Variants in DLEU7 observed in about 807,000 individuals in gnomAD.
DLEU7 encodes the protein deleted in lymphocytic leukemia 7.
DLEU7 carries 17 observed loss-of-function variants against 16.0 expected under a neutral mutation model. The ratio of observed to expected loss-of-function variants is 1.06; its 90% CI spans 0.73 to 1.59. The LOEUF (loss-of-function observed/expected upper bound fraction) is 1.59, where lower values mean the gene tolerates loss of function less well. Ranked by LOEUF, DLEU7 falls within the 40% of genes most tolerant of loss-of-function variation. The probability of loss-of-function intolerance (pLI) is 0.00; values close to 1 mark genes in which losing one functional copy is unlikely to be tolerated. For synonymous variants in DLEU7, 113 were observed against 139.8 expected, an observed-to-expected ratio of 0.81 and a Z score of 1.35; for missense variants, 308 against 314.9, an observed-to-expected ratio of 0.98 and a Z score of 0.17.
At chr13:50,817,794 T>C (rs770203521) in intron 1 of DLEU7, among the ~76,000 whole-genome samples, 1 of 152,014 alleles carries the variant, frequency 6.6e-6, no homozygotes, top group Non-Finnish European at 1.5e-5. Context: ...AACCTGAAGA[T>C]AGTTCCTCAA....
chr13:50,803,157 CA>C (rs766353759), intron 1 of DLEU7, among the ~76,000 whole-genome samples: 4 of 152,090 alleles, frequency 2.6e-5, no homozygotes, highest in Non-Finnish European at 4.4e-5. Context: ...AAGGTATGTG[CA>C]TTTGTCATTT....
At chr13:50,743,999 G>A (rs1874322148) in intron 1 of DLEU7, among the ~76,000 whole-genome samples, 1 of 152,146 alleles carries the variant, frequency 6.6e-6, no homozygotes, top group Admixed American at 6.5e-5. Context: ...TTTGCCAGCT[G>A]TACCCTATCA....
intron 1 of DLEU7, among the ~76,000 whole-genome samples, chr13:50,725,193 C>T (rs562154922): frequency 6.6e-6 from 1 of 152,102 alleles, no homozygotes; most frequent in Admixed American, 6.6e-5. Flanking sequence ...CAAAAGAAAG[C>T]CCACTGACCC....
At chr13:50,748,609 C>T (rs1874470506) in intron 1 of DLEU7, among the ~76,000 whole-genome samples, 1 of 152,054 alleles carries the variant, frequency 6.6e-6, no homozygotes, top group African/African-American at 2.4e-5. Flanking sequence ...TCCCTAGTCC[C>T]ACCTTTTTTA....
intron 1 of DLEU7, among the ~76,000 whole-genome samples, chr13:50,776,352 G>A (rs565675060): frequency 6.6e-6 from 1 of 152,334 alleles, no homozygotes; most frequent in East Asian, 1.9e-4. Context: ...GCCCAGTGCT[G>A]TCACTGGCCT....
exon 2 of DLEU7, chr13:50,712,561 C>T (rs1485699523): frequency 2.6e-5 from 4 of 152,636 alleles, no homozygotes; most frequent in African/African-American, 7.2e-5. Context: ...TACTATTTCA[C>T]TTGAACAGTT....
At chr13:50,803,254 T>A (rs1876297028) in intron 1 of DLEU7, among the ~76,000 whole-genome samples, 1 of 152,178 alleles carries the variant, frequency 6.6e-6, no homozygotes, top group Admixed American at 6.6e-5. Flanking sequence ...CACTCTCCCC[T>A]TCCTCATGGA....
At chr13:50,841,702 C>T (rs1017879394) in intron 1 of DLEU7, among the ~76,000 whole-genome samples, 3 of 146,892 alleles carry the variant, frequency 2.0e-5, no homozygotes, top group Non-Finnish European at 3.0e-5. Flanking sequence ...ATGGCTACCA[C>T]ACTGCAGCCT....
At chr13:50,797,805 T>TAAC (rs10653375) in intron 1 of DLEU7, among the ~76,000 whole-genome samples, 120,817 of 151,902 alleles carry the variant, frequency 0.8, 48,759 homozygotes, top group East Asian at 1. Flanking sequence ...TTCATTCACT[T>TAAC]AAGTATAGAG....
Position 50,726,602 on chromosome 13 carries a change from C to T in DLEU7, c.460-13362G>A, listed in dbSNP as rs772165728. Among the ~76,000 whole-genome samples, 5 of 152,140 alleles carry T rather than the reference C, an allele frequency of 3.3e-5. No individual in the cohort carries two copies. Among genetic ancestry groups the T allele is most frequent in the Non-Finnish European group, 5.9e-5 (4 of 68,030 alleles). On this transcript the variant is annotated intron_variant, in intron 1 of 1. Transcript: ENST00000400393. This position sits in a 1 kb window ranked among gnomAD's most constrained non-coding sequence, Gnocchi z 4.0. Reference sequence around the variant, plus strand: ...TTGAGACACTTTCTGAAAGGTTTTCCCATCTGCAGTGAAATTTGTGGATCG... The same window carrying T: ...TTGAGACACTTTCTGAAAGGTTTTCTCATCTGCAGTGAAATTTGTGGATCG...
intron 1 of DLEU7, among the ~76,000 whole-genome samples, chr13:50,758,474 C>T (rs905979288): frequency 9.8e-5 from 15 of 152,286 alleles, no homozygotes; most frequent in Middle Eastern, 3.4e-3. Flanking sequence ...TCACAGTTTC[C>T]GTGAGTCAGG....
chr13:50,740,194 A>G (rs1183583976), intron 1 of DLEU7, among the ~76,000 whole-genome samples: 3 of 152,298 alleles, frequency 2.0e-5, no homozygotes, highest in African/African-American at 7.2e-5. Context: ...TTCCATCCTG[A>G]TGATGGGCAA....
chr13:50,760,516 C>G (rs1364563065), intron 1 of DLEU7, among the ~76,000 whole-genome samples: 1 of 152,110 alleles, frequency 6.6e-6, no homozygotes, highest in African/African-American at 2.4e-5. Flanking sequence ...CATGTGCCAC[C>G]AGGTCTGGCT....
At chr13:50,809,052 A>G (rs1364061155) in intron 1 of DLEU7, among the ~76,000 whole-genome samples, 2 of 152,128 alleles carry the variant, frequency 1.3e-5, no homozygotes, top group African/African-American at 4.8e-5. Context: ...TCAATTCCAC[A>G]TGTCAAGAAG....
chr13:50,713,551 G>A (rs1294430179), intron 1 of DLEU7, among the ~76,000 whole-genome samples: 1 of 152,070 alleles, frequency 6.6e-6, no homozygotes, highest in Admixed American at 6.5e-5. Flanking sequence ...AATGAGAAGG[G>A]AAGGAAAATA....
intron 1 of DLEU7, among the ~76,000 whole-genome samples, chr13:50,792,174 G>A (rs535123141): frequency 2.0e-4 from 30 of 152,272 alleles, no homozygotes; most frequent in African/African-American, 6.5e-4. Context: ...GTGAACATGA[G>A]TTTTCTGTTT....
At chr13:50,831,588 T>C (rs1877267054) in intron 1 of DLEU7, among the ~76,000 whole-genome samples, 1 of 152,216 alleles carries the variant, frequency 6.6e-6, no homozygotes, top group Admixed American at 6.5e-5. Flanking sequence ...GTAAAGTCCC[T>C]GAACACTTCC....
chr13:50,789,816 A>G (rs1469748052), intron 1 of DLEU7, among the ~76,000 whole-genome samples: 1 of 152,212 alleles, frequency 6.6e-6, no homozygotes, highest in Non-Finnish European at 1.5e-5. Flanking sequence ...ACATGTCTGC[A>G]TGTCTGCATA....
chr13:50,749,530 C>T (rs1444187789), intron 1 of DLEU7, among the ~76,000 whole-genome samples: 1 of 152,194 alleles, frequency 6.6e-6, no homozygotes, highest in Non-Finnish European at 1.5e-5. Flanking sequence ...TCCATAGTGG[C>T]TGTACTAGTT....
Sources: gnomAD v4.1 joint callset for allele counts (sites outside exome capture counted in the v4.1 genomes callset) on GRCh38, gnomAD v4.1.1 for gene constraint, Gnocchi (gnomAD v3.1) non-coding constraint, MANE v1.5 for transcripts, NCBI Gene and HGNC (gene_info 2026-07-23, HGNC 2026-07-21) for gene names.